The following JPH3 variants were observed in gnomAD, a reference collection of about 807,000 sequenced individuals.
JPH3 encodes junctophilin-3.
Under a neutral mutation model 59.6 loss-of-function variants are expected in JPH3, and 11 were observed. The observed-to-expected ratio is 0.18, with a 90% CI of 0.12 to 0.31. The LOEUF (loss-of-function observed/expected upper bound fraction) is 0.31, where lower values mean the gene tolerates loss of function less well. Among genes scored for constraint, JPH3 ranks in the 10% least tolerant of loss-of-function variants. The pLI is 1.00. For missense variants in JPH3, 1,202 were observed against 1,105.7 expected (o/e 1.09, Z -1.24); for synonymous variants, 673 against 483.6 (o/e 1.39, Z -5.14).
Position 87,689,999 on chromosome 16 carries a change from C to G in JPH3, c.1639C>G (p.Leu547Val). The G allele has an allele frequency of 6.7e-7, 1 of 1,502,264 alleles. No homozygotes were observed. Among genetic ancestry groups the G allele is most frequent in the African/African-American group, 1.4e-5 (1 of 71,800 alleles). 93.1% of individuals were successfully genotyped at this position (1,502,264 alleles called of 1,614,324 possible). A position where few individuals can be genotyped will look rare whatever the true frequency, so the allele number is the denominator to read the frequency against. ...CTCCAGGGGTGTCCGCAGCGGTGCC[C>G]TGCGCGGCGGCCTGCTCGTGGATGA... ...GGSRGVRSGA[L>V]RGGLLVDDFR... Residue 547 changes from leucine (L) to valine (V), a missense_variant, in exon 4 of 5, where the codon CTG (leucine) becomes GTG (valine). Physicochemically the swap from Leu to Val is conservative, Grantham distance 32. Transcript: ENST00000284262.
At chr16:87,679,670 T>C (rs2033236465) in intron 2 of JPH3, among the ~76,000 whole-genome samples, 1 of 152,242 alleles carries the variant, frequency 6.6e-6, no homozygotes, top group African/African-American at 2.4e-5. Flanking sequence ...CGGCTCTCCG[T>C]GTGTGCACGT....
chr16:87,693,176 A>C (rs4843675), intron 4 of JPH3, among the ~76,000 whole-genome samples: 72,177 of 152,068 alleles, frequency 0.47, 18,465 homozygotes, highest in African/African-American at 0.68. Flanking sequence ...TGTGTCCACA[A>C]CTCCACTTCC....
At chr16:87,671,757 T>A (rs2033021892) in intron 2 of JPH3, among the ~76,000 whole-genome samples, 1 of 152,236 alleles carries the variant, frequency 6.6e-6, no homozygotes, top group Admixed American at 6.5e-5. Flanking sequence ...GAGAACCCCC[T>A]TCCTCCCTGA....
At chr16:87,664,573 C>T (rs1215212517) in intron 2 of JPH3, among the ~76,000 whole-genome samples, 5 of 152,056 alleles carry the variant, frequency 3.3e-5, no homozygotes, top group Admixed American at 6.5e-5. Context: ...TGCAGTGAGC[C>T]GAGATCGCGC....
Position 87,698,021 on chromosome 16 carries a change from T to G in JPH3, c.*1361T>G, listed in dbSNP as rs538676891. The G allele has an allele frequency of 6.5e-6, 1 of 152,796 alleles. No individual in the cohort carries two copies. Among genetic ancestry groups the G allele is most frequent in the South Asian group, 2.1e-4 (1 of 4,826 alleles). The allele number at this position is 152,796 out of a possible 1,614,324, so 9.5% of individuals were successfully genotyped here. ...CGGTCGTCTTGGGGCCAGCCCGTCT[T>G]ATGGACTCTGCCTTGCTTTGCTTAT... On this transcript the variant is annotated 3_prime_UTR_variant, in exon 5 of 5. Coordinates refer to ENST00000284262, the MANE Select transcript of JPH3 (RefSeq NM_020655.4).
chr16:87,655,926 C>T (rs911453375), intron 2 of JPH3, among the ~76,000 whole-genome samples: 7 of 152,254 alleles, frequency 4.6e-5, no homozygotes, highest in African/African-American at 1.2e-4. Context: ...GTCACTGCGC[C>T]GTTCCCTTTG....
At chr16:87,623,630 C>T (rs56857464) in intron 1 of JPH3, among the ~76,000 whole-genome samples, 10,150 of 152,312 alleles carry the variant, frequency 0.067, 446 homozygotes, top group Non-Finnish European at 0.097. Flanking sequence ...CTGCAGACCC[C>T]GAGTTCCGGA....
intron 2 of JPH3, among the ~76,000 whole-genome samples, chr16:87,671,714 G>A (rs550266712): frequency 7.9e-5 from 12 of 152,206 alleles, no homozygotes; most frequent in South Asian, 2.1e-4. Context: ...TGGTGTTGCC[G>A]CATCCTCCCT....
intron 1 of JPH3, chr16:87,605,024 C>T: frequency 4.6e-6 from 2 of 438,524 alleles, no homozygotes; most frequent in South Asian, 1.6e-5. Context: ...GAGGCCCGGG[C>T]AGCAGATGTG....
chr16:87,646,894 T>C (rs528620335), intron 2 of JPH3, among the ~76,000 whole-genome samples: 1 of 152,106 alleles, frequency 6.6e-6, no homozygotes, highest in African/African-American at 2.4e-5. Context: ...TCTGTAGGAC[T>C]GGGGGGACCT....
At chr16:87,659,374 C>CAA (rs1354448370) in intron 2 of JPH3, among the ~76,000 whole-genome samples, 12,791 of 73,470 alleles carry the variant, frequency 0.17, 1,884 homozygotes, top group African/African-American at 0.27. Flanking sequence ...AAGACTGTCT[C>CAA]AAAAAAAAAA....
At chr16:87,657,952 A>T (rs2032561887) in intron 2 of JPH3, among the ~76,000 whole-genome samples, 1 of 152,270 alleles carries the variant, frequency 6.6e-6, no homozygotes, top group Admixed American at 6.5e-5. Flanking sequence ...AGCTGTCTCT[A>T]CCAACCTGGC....
chr16:87,614,684 C>G (rs979267513), intron 1 of JPH3, among the ~76,000 whole-genome samples: 10 of 144,166 alleles, frequency 6.9e-5, no homozygotes, highest in Non-Finnish European at 6.1e-5. Context: ...ACGTGAGGAG[C>G]CGCGCGTCCC....
At chr16:87,612,871 T>C (rs1045599971) in intron 1 of JPH3, among the ~76,000 whole-genome samples, 22 of 150,870 alleles carry the variant, frequency 1.5e-4, no homozygotes, top group Non-Finnish European at 2.2e-4. Flanking sequence ...ACAAAAAAAA[T>C]ATTAGCTGGG....
chr16:87,687,841 G>T (rs557206360), intron 3 of JPH3, among the ~76,000 whole-genome samples: 31 of 152,274 alleles, frequency 2.0e-4, no homozygotes, highest in African/African-American at 7.0e-4. Flanking sequence ...AGGCCGGGGC[G>T]CCATCGGGGG....
At chr16:87,627,792 C>T (rs899512004) in intron 1 of JPH3, among the ~76,000 whole-genome samples, 7 of 152,208 alleles carry the variant, frequency 4.6e-5, no homozygotes, top group African/African-American at 1.4e-4. Context: ...CCACCCATGC[C>T]GGTGGGCGGG....
chr16:87,607,387 C>T (rs938086544), intron 1 of JPH3, among the ~76,000 whole-genome samples: 3 of 152,242 alleles, frequency 2.0e-5, no homozygotes, highest in Non-Finnish European at 4.4e-5. Flanking sequence ...GCCCAGATTC[C>T]TCAACCCACA....
rs2031661746 is a variant in JPH3, at chr16:87,634,309, G to A, written c.383-9949G>A. ...TGTTCCGGGGCATCCTGGGCAGAGA[G>A]TGGGTATAGGGGACAGAAACCCAGC... On this transcript the variant is annotated intron_variant, in intron 1 of 4. Coordinates refer to ENST00000284262, the MANE Select transcript of JPH3 (RefSeq NM_020655.4). 2.0e-5 allele frequency among the ~76,000 whole-genome samples: 3 copies of A among 152,292 alleles called. No individual in the cohort carries two copies. In the South Asian group the frequency reaches 6.2e-4, roughly 32 times the overall value.
At chr16:87,687,061 A>G (rs1226427160) in intron 3 of JPH3, among the ~76,000 whole-genome samples, 1 of 152,156 alleles carries the variant, frequency 6.6e-6, no homozygotes, top group African/African-American at 2.4e-5. Context: ...GTTTTTTACA[A>G]GCGCTGGGAC....
Sources: allele counts gnomAD v4.1 joint callset (sites outside exome capture counted in the v4.1 genomes callset), GRCh38; gene constraint gnomAD v4.1.1; transcripts MANE v1.5; gene names NCBI Gene and HGNC (gene_info 2026-07-23, HGNC 2026-07-21).